Variants in CAST observed in about 807,000 individuals in gnomAD.
CAST encodes the protein MIR583 host.
Under a neutral mutation model 119.6 loss-of-function variants are expected in CAST, and 76 were observed. The ratio of observed to expected loss-of-function variants is 0.64; its 90% CI spans 0.53 to 0.77. The LOEUF (loss-of-function observed/expected upper bound fraction) is 0.77, where lower values mean the gene tolerates loss of function less well. CAST is among the 30% of genes least tolerant of loss of function. The pLI, the probability that CAST is intolerant of heterozygous loss-of-function variation, is 0.00. For missense variants in CAST, 953 were observed against 946.5 expected (o/e 1.01, Z -0.09); for synonymous variants, 319 against 331.6 (o/e 0.96, Z 0.41).
upstream of CAST, among the ~76,000 whole-genome samples, chr5:96,523,643 G>C (rs1229473619): frequency 9.2e-5 from 14 of 152,170 alleles, no homozygotes; most frequent in Non-Finnish European, 2.1e-4. Context: ...AGGCAGTGCA[G>C]GGCTGATTGT....
intron 1 of CAST, among the ~76,000 whole-genome samples, chr5:96,614,796 A>T (rs192057822): frequency 1.3e-5 from 2 of 152,156 alleles, no homozygotes; most frequent in Admixed American, 1.3e-4. Context: ...AGGATCCATC[A>T]TCTTGTACTG....
At chr5:96,120,930 C>T in the CAST span, among the ~76,000 whole-genome samples, 1 of 151,890 alleles carries the variant, frequency 6.6e-6, no homozygotes, top group Non-Finnish European at 1.5e-5. Context: ...CTCACCTCCA[C>T]CTTCATATCA....
chr5:96,686,656 T>C (rs1185306951), intron 2 of CAST, among the ~76,000 whole-genome samples: 1 of 152,134 alleles, frequency 6.6e-6, no homozygotes, highest in Non-Finnish European at 1.5e-5. Context: ...GGGTGCTGAG[T>C]ATGTGGAGAT....
chr5:96,428,081 T>A, the CAST span, among the ~76,000 whole-genome samples: 1 of 152,172 alleles, frequency 6.6e-6, no homozygotes, highest in Non-Finnish European at 1.5e-5. Flanking sequence ...TTCTTTTACA[T>A]TCGAACACTG....
the CAST span, among the ~76,000 whole-genome samples, chr5:96,510,643 C>T: frequency 2.0e-5 from 3 of 152,082 alleles, no homozygotes; most frequent in Non-Finnish European, 4.4e-5. Context: ...AAAGGCAATC[C>T]AAAACAATCA....
the CAST span, among the ~76,000 whole-genome samples, chr5:96,129,335 C>G: frequency 6.6e-6 from 1 of 152,056 alleles, no homozygotes; most frequent in African/African-American, 2.4e-5. Context: ...GGGTGGATAA[C>G]AATTCAGAGA....
At chr5:95,965,370 G>T in the CAST span, 1 of 152,204 alleles carries the variant, frequency 6.6e-6, no homozygotes, top group Admixed American at 6.5e-5. Flanking sequence ...TTAGCCCACA[G>T]GTTTCTAGTT....
At chr5:96,410,760 C>G in the CAST span, 6 of 1,605,584 alleles carry the variant, frequency 3.7e-6, no homozygotes, top group Non-Finnish European at 4.3e-6. Flanking sequence ...GAGAATTAGA[C>G]AAAAGCAACA....
chr5:96,144,843 AT>A, the CAST span, among the ~76,000 whole-genome samples: 3 of 150,972 alleles, frequency 2.0e-5, no homozygotes, highest in South Asian at 4.2e-4. Context: ...TGCCCAGCTA[AT>A]TTTTTTTTGT....
chr5:96,413,347 A>G, the CAST span, among the ~76,000 whole-genome samples: 1 of 152,338 alleles, frequency 6.6e-6, no homozygotes, highest in South Asian at 2.1e-4. Flanking sequence ...ATCTGGACAG[A>G]TTACAGGCAG....
chr5:96,513,591 A>G, the CAST span, among the ~76,000 whole-genome samples: 1 of 152,224 alleles, frequency 6.6e-6, no homozygotes, highest in Non-Finnish European at 1.5e-5. Context: ...TTCCTATAAG[A>G]GCCACAGAAA....
chr5:96,289,057 C>A, the CAST span, among the ~76,000 whole-genome samples: 1 of 151,576 alleles, frequency 6.6e-6, no homozygotes, highest in East Asian at 1.9e-4. Context: ...CCATTTTCTG[C>A]TGCTGCTTTC....
At chr5:96,365,364 A>T in the CAST span, among the ~76,000 whole-genome samples, 1 of 152,208 alleles carries the variant, frequency 6.6e-6, no homozygotes, top group Non-Finnish European at 1.5e-5. Context: ...GCTGAGTTCA[A>T]TTCCCAGATA....
chr5:96,274,718 A>G, the CAST span, among the ~76,000 whole-genome samples: 1 of 152,194 alleles, frequency 6.6e-6, no homozygotes, highest in East Asian at 1.9e-4. Context: ...GCCTATGCTT[A>G]TTCTTCTGGT....
chr5:96,434,655 C>T, the CAST span, among the ~76,000 whole-genome samples: 1 of 150,994 alleles, frequency 6.6e-6, no homozygotes, highest in Admixed American at 6.6e-5. Flanking sequence ...CTCAACCGCC[C>T]GAGGGCGCGA....
chr5:96,600,013 A>G (rs898704646), intron 1 of CAST, among the ~76,000 whole-genome samples: 2 of 146,208 alleles, frequency 1.4e-5, no homozygotes, highest in Non-Finnish European at 3.0e-5. Flanking sequence ...TCAGACTGCA[A>G]GTTTGAAGTG....
the CAST span, among the ~76,000 whole-genome samples, chr5:96,288,740 C>A: frequency 0.025 from 3,748 of 152,142 alleles, 166 homozygotes; most frequent in African/African-American, 0.085. Context: ...ATTTGTGCAG[C>A]CTAAGACAAG....
the CAST span, among the ~76,000 whole-genome samples, chr5:95,999,309 G>C: frequency 6.6e-6 from 1 of 151,998 alleles, no homozygotes. Flanking sequence ...ATTTATTGCT[G>C]AATAGTGTCT....
At chr5:96,498,951 G>A in the CAST span, among the ~76,000 whole-genome samples, 1 of 150,892 alleles carries the variant, frequency 6.6e-6, no homozygotes, top group Non-Finnish European at 1.5e-5. Flanking sequence ...CTCAGTTTAG[G>A]ATGTAGCTAC....
Sources: allele counts gnomAD v4.1 joint callset (sites outside exome capture counted in the v4.1 genomes callset), GRCh38; gene constraint gnomAD v4.1.1; transcripts MANE v1.5; gene names NCBI Gene and HGNC (gene_info 2026-07-23, HGNC 2026-07-21).